Variants in KRT15 observed in about 807,000 individuals in gnomAD.
KRT15 encodes keratin, type I cytoskeletal 15.
A neutral mutation model predicts 46.6 loss-of-function variants in KRT15; 45 were observed. The ratio of observed to expected loss-of-function variants is 0.97; its 90% CI spans 0.76 to 1.24. KRT15 has a LOEUF of 1.24. Ranked by LOEUF, KRT15 falls within the 50% of genes most tolerant of loss-of-function variation. The pLI is 0.00. For synonymous variants in KRT15, 221 were observed against 233.8 expected (o/e 0.95, Z 0.50); for missense variants, 592 against 588.9 (o/e 1.01, Z -0.05).
intron 1 of KRT15, 69 bp downstream of exon 1, chr17:41,518,261 C>T: frequency 2.0e-6 from 3 of 1,503,750 alleles, no homozygotes; most frequent in Non-Finnish European, 2.7e-6. Flanking sequence ...TCAGCAGTAA[C>T]ACTGACATTA....
Position 41,513,873 on chromosome 17 carries a change from T to G in KRT15, c.*150A>C, listed in dbSNP as rs1331727710. On this transcript the variant is annotated 3_prime_UTR_variant, in exon 8 of 8. Transcript: ENST00000254043. ...AGAGGCAGAGGGGGAATAGAGCGCA[T>G]GCAAAGCCCTGAAATAAAAGACCGA... 1.5e-6 allele frequency: 1 copy of G among 680,326 alleles called. No homozygotes were observed. Among genetic ancestry groups the G allele is most frequent in the East Asian group, 2.6e-5 (1 of 39,130 alleles). The allele number at this position is 680,326 out of a possible 1,614,324, so 42.1% of individuals were successfully genotyped here. A position where few individuals can be genotyped will look rare whatever the true frequency, so the allele number is the denominator to read the frequency against.
chr17:41,515,747 G>T, intron 5 of KRT15, 55 bp from the exon 6 acceptor site: 1 of 1,599,380 alleles, frequency 6.3e-7, no homozygotes, highest in Non-Finnish European at 8.6e-7. Flanking sequence ...GCCACTGAGG[G>T]CAAGCAGGGA....
intron 7 of KRT15, 138 bp from the exon 8 acceptor site, chr17:41,514,258 G>A: frequency 1.5e-6 from 1 of 679,160 alleles, no homozygotes; most frequent in Non-Finnish European, 2.6e-6. Flanking sequence ...AGAGCTGCCA[G>A]AGATCTGGTG....
Position 41,515,596 on chromosome 17 carries a change from G to C in KRT15, c.1123C>G (p.Leu375Val). 1 of 1,614,208 alleles carries C rather than the reference G, an allele frequency of 6.2e-7. No homozygotes were observed. Among genetic ancestry groups the C allele is most frequent in the South Asian group, 1.1e-5 (1 of 91,084 alleles). The stretch of plus-strand genomic sequence containing the variant: ...TCCATCTCGCATCGGAGCTCACTCA[G>C]CTGGGCCTCCAGGCCACCAATGAGC... The part of the protein sequence containing the change: ...QGLIGGLEAQ[L>V]SELRCEMEAQ... The change falls in exon 6 of 8, where the codon CTG becomes GTG. Residue 375 changes from leucine (L) to valine (V), a missense_variant. Leu to Val is a conservative substitution (Grantham distance 32). Transcript: ENST00000254043.
chr17:41,515,453 CCT>C lies in KRT15; in HGVS notation c.1247+17_1247+18del, dbSNP rs1567717913. Reference sequence around the variant, plus strand: ...ACAAGCAGCCCTCATCACTCCTTCCCCTGTGCCCAGGCGCCTACTTGGCATCC... The same window carrying C: ...ACAAGCAGCCCTCATCACTCCTTCCCGTGCCCAGGCGCCTACTTGGCATCC... On this transcript the variant is annotated intron_variant, in intron 6 of 7. Coordinates refer to ENST00000254043, the MANE Select transcript of KRT15 (RefSeq NM_002275.4). The C allele has an allele frequency of 6.2e-7, 1 of 1,609,258 alleles. No homozygotes were observed. Among genetic ancestry groups the C allele is most frequent in the Non-Finnish European group, 8.5e-7 (1 of 1,177,542 alleles).
chr17:41,514,829 A>G (rs1905278969), intron 6 of KRT15, 155 bp from the exon 7 acceptor site: 1 of 644,550 alleles, frequency 1.6e-6, no homozygotes, highest in East Asian at 2.9e-5. Context: ...CTGCTAGCCC[A>G]TCCAGGCCTG....
intron 6 of KRT15, 187 bp from the exon 7 acceptor site, chr17:41,514,861 T>C: frequency 7.6e-6 from 4 of 525,486 alleles, no homozygotes; most frequent in Non-Finnish European, 1.4e-5. Context: ...TAGACAGATT[T>C]TGTTTTGTTT....
intron 6 of KRT15, chr17:41,515,144 G>C (rs993959878): frequency 1.1e-5 from 4 of 370,690 alleles, no homozygotes; most frequent in Non-Finnish European, 1.5e-5. Context: ...TGGGATTACA[G>C]GCATGAGCCA....
Position 41,518,692 on chromosome 17 carries a change from C to T in KRT15, c.136G>A (p.Ala46Thr). ...GAAGAGACAAACCTAGCAGAAGAAGCTGAGATACTTCGGCTTCCACCTCCC... is the reference window on the plus strand; with the variant it reads ...GAAGAGACAAACCTAGCAGAAGAAGTTGAGATACTTCGGCTTCCACCTCCC... ...SGGGGSRSIS[A>T]SSARFVSSGS... Residue 46 changes from alanine (A) to threonine (T), a missense_variant, in exon 1 of 8, where the codon GCT becomes ACT. Physicochemically the swap from Ala to Thr is moderately conservative, Grantham distance 58. Transcript: ENST00000254043. 1 of 1,613,610 alleles carries T rather than the reference C, an allele frequency of 6.2e-7. No individual in the cohort carries two copies. The highest frequency in any genetic ancestry group is 8.5e-7 in the Non-Finnish European group (1 of 1,179,772).
chr17:41,516,400 G>A (rs1288238745), intron 3 of KRT15, 135 bp from the exon 4 acceptor site: 1 of 962,262 alleles, frequency 1.0e-6, no homozygotes, highest in Non-Finnish European at 1.6e-6. Flanking sequence ...GAAGAGGTTT[G>A]GTCACATGGA....
intron 1 of KRT15, chr17:41,517,574 G>C (rs531662301): frequency 2.2e-5 from 5 of 231,672 alleles, no homozygotes; most frequent in African/African-American, 4.4e-5. Context: ...CTTGGACACA[G>C]CCATGGATCT....
intron 6 of KRT15, 87 bp from the exon 7 acceptor site, chr17:41,514,761 T>A: frequency 7.1e-7 from 1 of 1,404,048 alleles, no homozygotes; most frequent in South Asian, 1.2e-5. Flanking sequence ...TATGCAGTGT[T>A]CTTCAGACCC....
At position 41,518,685 on chromosome 17, in the gene KRT15, G is replaced by A; in HGVS notation, c.143C>T (p.Ser48Phe). ...TGACCCTGAAGAGACAAACCTAGCA[G>A]AAGAAGCTGAGATACTTCGGCTTCC... ...GGGSRSISAS[S>F]ARFVSSGSGG... is the part of the protein sequence containing the mutation. Residue 48 changes from serine to phenylalanine, a missense_variant, in exon 1 of 8, where the codon TCT becomes TTT. Ser to Phe is a radical substitution (Grantham distance 155). Coordinates refer to ENST00000254043, the MANE Select transcript of KRT15 (RefSeq NM_002275.4). 6.2e-7 allele frequency: 1 copy of A among 1,612,890 alleles called. No individual in the cohort carries two copies. The highest frequency in any genetic ancestry group is 8.5e-7 in the Non-Finnish European group (1 of 1,179,456).
intron 5 of KRT15, 56 bp from the exon 6 acceptor site, chr17:41,515,748 C>T (rs1179901543): frequency 2.5e-6 from 4 of 1,599,916 alleles, no homozygotes; most frequent in East Asian, 4.5e-5. Flanking sequence ...CCACTGAGGG[C>T]AAGCAGGGAG....
Position 41,516,891 on chromosome 17 carries a change from G to C in KRT15, c.655C>G (p.Leu219Val), listed in dbSNP as rs763346260. ...INGLRRVLDELTLARTDLEMQ... is the reference protein window; with the variant it reads ...INGLRRVLDEVTLARTDLEMQ... ...TCCAGGTCAGTCCTGGCCAGGGTCA[G>C]CTCATCCAGGACTCGGCGCAAGCCG... The change falls in exon 3 of 8, where the codon CTG (leucine) becomes GTG (valine). Residue 219 changes from leucine (L) to valine (V), a missense_variant. By Grantham distance (32) the Leu-to-Val change is conservative. Coordinates refer to ENST00000254043, the MANE Select transcript of KRT15 (RefSeq NM_002275.4). 11 of 1,614,104 alleles carry C rather than the reference G, an allele frequency of 6.8e-6. No individual in the cohort carries two copies. The highest frequency in any genetic ancestry group is 1.3e-5 in the African/African-American group (1 of 74,952).
chr17:41,516,314 C>A, intron 3 of KRT15, 49 bp from the exon 4 acceptor site: 1 of 1,570,940 alleles, frequency 6.4e-7, no homozygotes. Flanking sequence ...GAAGAGAGAC[C>A]TGAGAGTCTG....
intron 7 of KRT15, 96 bp downstream of exon 7, chr17:41,514,553 G>T: frequency 1.7e-6 from 2 of 1,187,146 alleles, no homozygotes; most frequent in Non-Finnish European, 2.5e-6. Flanking sequence ...CTAATGGGAT[G>T]TTTGGGCTCT....
chr17:41,516,053 G>C, intron 4 of KRT15, 43 bp from the exon 5 acceptor site: 5 of 1,614,100 alleles, frequency 3.1e-6, no homozygotes, highest in Non-Finnish European at 4.2e-6. Context: ...GGGCCTCCTC[G>C]GAGACTCAGG....
At chr17:41,515,296 G>C in intron 6 of KRT15, 176 bp downstream of exon 6, 1 of 606,336 alleles carries the variant, frequency 1.6e-6, no homozygotes. Flanking sequence ...GAAGTGACCT[G>C]TCCCAGGTAA....
Sources: allele counts gnomAD v4.1 joint callset, GRCh38; gene constraint gnomAD v4.1.1; transcripts MANE v1.5; gene names NCBI Gene and HGNC (gene_info 2026-07-23, HGNC 2026-07-21).